The following MEOX2 variants were observed in gnomAD, a reference collection of about 807,000 sequenced individuals.
MEOX2 encodes homeobox protein MOX-2.
In MEOX2, 11 loss-of-function variants were observed where a neutral mutation model predicts 27.0. The ratio of observed to expected loss-of-function variants is 0.41; its 90% confidence interval spans 0.26 to 0.68. The LOEUF (loss-of-function observed/expected upper bound fraction) is 0.68, where lower values mean the gene tolerates loss of function less well. Among genes scored for constraint, MEOX2 ranks in the 30% least tolerant of loss-of-function variants. The probability of loss-of-function intolerance (pLI) is 0.33; values close to 1 mark genes in which losing one functional copy is unlikely to be tolerated. For synonymous variants in MEOX2, 189 were observed against 155.4 expected (o/e 1.22, Z -1.61); for missense variants, 436 against 385.4 (o/e 1.13, Z -1.10).
At chr7:15,634,535 G>C (rs766333735) in intron 1 of MEOX2, among the ~76,000 whole-genome samples, 1 of 151,984 alleles carries the variant, frequency 6.6e-6, no homozygotes, top group Non-Finnish European at 1.5e-5. Context: ...CCAGATATCT[G>C]TAGTTTAATT....
intron 2 of MEOX2, among the ~76,000 whole-genome samples, chr7:15,613,378 CAT>C (rs944985733): frequency 1.7e-5 from 2 of 115,292 alleles, no homozygotes; most frequent in African/African-American, 6.7e-5. Context: ...ATTTAAATAA[CAT>C]ATATGTATTA....
intron 1 of MEOX2, among the ~76,000 whole-genome samples, chr7:15,656,251 G>C (rs1042457644): frequency 2.6e-5 from 4 of 151,370 alleles, no homozygotes; most frequent in African/African-American, 9.7e-5. Context: ...ATTGTATTTA[G>C]AGTGAGTTTC....
At position 15,620,125 on chromosome 7, in the gene MEOX2, G is replaced by A. The variant is rs181371882; in HGVS notation, c.690+6621C>T. 2.4e-3 allele frequency among the ~76,000 whole-genome samples: 372 copies of A among 151,896 alleles called. 8 individuals are homozygous for A. The highest frequency in any genetic ancestry group is 0.021 in the Admixed American group (323 of 15,228). ...TTAAAATCCCCTCTCATATCCCATCGTCAACTCTTTTACCCTTTACTCTCC... is the reference window on the plus strand; with the variant it reads ...TTAAAATCCCCTCTCATATCCCATCATCAACTCTTTTACCCTTTACTCTCC... On this transcript the variant is annotated intron_variant, in intron 2 of 2. Transcript: ENST00000262041.
chr7:15,652,847 G>A (rs573119770), intron 1 of MEOX2, among the ~76,000 whole-genome samples: 1 of 152,058 alleles, frequency 6.6e-6, no homozygotes, highest in Admixed American at 6.6e-5. Flanking sequence ...TCCATGTTAT[G>A]GATGTACCAC....
rs939048144 is a variant in MEOX2, at chr7:15,614,452, T to G, written c.691-1841A>C. On this transcript the variant is annotated intron_variant, in intron 2 of 2. Coordinates refer to ENST00000262041, the MANE Select transcript of MEOX2 (RefSeq NM_005924.5). ...AAGTTTGCCTTTCAAACTGAGGTAC[T>G]TAATCAATGAAGTACTGATTTTAGT... Among the ~76,000 whole-genome samples the G allele has an allele frequency of 1.1e-4, 17 of 152,066 alleles. No individual in the cohort carries two copies. In the East Asian group the frequency reaches 1.7e-3, roughly 16 times the overall value.
At chr7:15,625,345 T>C (rs1781286828) in intron 2 of MEOX2, among the ~76,000 whole-genome samples, 1 of 152,150 alleles carries the variant, frequency 6.6e-6, no homozygotes, top group South Asian at 2.1e-4. Flanking sequence ...ATTTTGTATG[T>C]GAAGTCTAAG....
At chr7:15,626,418 AAGG>A (rs1360371100) in intron 2 of MEOX2, among the ~76,000 whole-genome samples, 1 of 152,098 alleles carries the variant, frequency 6.6e-6, no homozygotes, top group Non-Finnish European at 1.5e-5. Context: ...TATGCCAAAT[AAGG>A]AGATTTTAAC....
Position 15,666,737 on chromosome 7 carries a change from G to T in MEOX2, c.517+19149C>A, listed in dbSNP as rs1481847623. On this transcript the variant is annotated intron_variant, in intron 1 of 2. Coordinates refer to ENST00000262041, the MANE Select transcript of MEOX2 (RefSeq NM_005924.5). ...ACTGCACTCCAGCGTGGGCAACAGA[G>T]CAAGACTCTGTCTCAAAAAAAAAAA... Among the ~76,000 whole-genome samples the T allele has an allele frequency of 1.1e-3, 111 of 100,118 alleles. 6 individuals are homozygous for T. Among genetic ancestry groups the T allele is most frequent in the Non-Finnish European group, 2.4e-4 (13 of 54,770 alleles). 65.7% of individuals were successfully genotyped at this position (100,118 alleles called of 152,430 possible). A position where few individuals can be genotyped will look rare whatever the true frequency, so the allele number is the denominator to read the frequency against.
At chr7:15,664,464 C>T (rs780423556) in intron 1 of MEOX2, among the ~76,000 whole-genome samples, 4 of 152,136 alleles carry the variant, frequency 2.6e-5, no homozygotes, top group Non-Finnish European at 1.5e-5. Context: ...AATTTTCCAA[C>T]ATCAAATATG....
chr7:15,655,438 G>A (rs535287809), intron 1 of MEOX2, among the ~76,000 whole-genome samples: 1 of 150,728 alleles, frequency 6.6e-6, no homozygotes, highest in African/African-American at 2.4e-5. Flanking sequence ...AGTTTATTTT[G>A]CTCTTTTTGT....
In MEOX2 at chr7:15,626,738, A is replaced by G; in HGVS notation, c.690+8T>C. On this transcript the variant is annotated splice_region_variant and intron_variant, in intron 2 of 2. Coordinates refer to ENST00000262041, the MANE Select transcript of MEOX2 (RefSeq NM_005924.5). ...AAAAGATCATATAATGATAATGCCC[A>G]GCTTTACCTGTCTTTCAGTGAGATC... The G allele has an allele frequency of 6.3e-7, 1 of 1,599,200 alleles. No homozygotes were observed. The highest frequency in any genetic ancestry group is 1.1e-5 in the South Asian group (1 of 89,858).
At chr7:15,676,880 T>A (rs1179281947) in intron 1 of MEOX2, among the ~76,000 whole-genome samples, 1 of 151,346 alleles carries the variant, frequency 6.6e-6, no homozygotes, top group Non-Finnish European at 1.5e-5. Context: ...AGAGTCCTCA[T>A]TTTATTCTTT....
At chr7:15,632,971 C>G (rs888335269) in intron 1 of MEOX2, among the ~76,000 whole-genome samples, 1 of 151,826 alleles carries the variant, frequency 6.6e-6, no homozygotes, top group African/African-American at 2.4e-5. Flanking sequence ...GACTAAAGGC[C>G]CTAATTAAGA....
intron 2 of MEOX2, among the ~76,000 whole-genome samples, chr7:15,614,551 A>T (rs1165743280): frequency 6.6e-6 from 1 of 152,202 alleles, no homozygotes; most frequent in Non-Finnish European, 1.5e-5. Flanking sequence ...CCATTTATTA[A>T]ATAACCCAGC....
rs774463419 is a variant in MEOX2, at chr7:15,686,576, T to A, written c.-174A>T. The stretch of plus-strand genomic sequence containing the variant: ...CGGTCCTGAGCCCCAGCGGCCAGTC[T>A]CCTTTACATATGAACAGTCGGACCT... On this transcript the variant is annotated 5_prime_UTR_variant, in exon 1 of 3. Coordinates refer to ENST00000262041, the MANE Select transcript of MEOX2 (RefSeq NM_005924.5). The A allele has an allele frequency of 1.3e-5, 8 of 638,288 alleles. No homozygotes were observed. Among genetic ancestry groups the A allele is most frequent in the Non-Finnish European group, 2.2e-5 (8 of 371,154 alleles). The allele number at this position is 638,288 out of a possible 1,614,324, so 39.5% of individuals were successfully genotyped here. A position where few individuals can be genotyped will look rare whatever the true frequency, so the allele number is the denominator to read the frequency against.
At chr7:15,672,912 G>T (rs113628437) in intron 1 of MEOX2, among the ~76,000 whole-genome samples, 3 of 149,872 alleles carry the variant, frequency 2.0e-5, no homozygotes, top group African/African-American at 7.4e-5. Context: ...AAAAGAAAAA[G>T]AAAAAAGAAA....
At chr7:15,681,296 A>G (rs1782288370) in intron 1 of MEOX2, 1 of 151,766 alleles carries the variant, frequency 6.6e-6, no homozygotes, top group Non-Finnish European at 1.5e-5. Context: ...TTGAAATTAA[A>G]ATCTAAAAAA....
chr7:15,681,613 T>C (rs1583797718), intron 1 of MEOX2: 1 of 151,828 alleles, frequency 6.6e-6, no homozygotes, highest in African/African-American at 2.4e-5. Flanking sequence ...GATTTTATTA[T>C]AAATATTACA....
At chr7:15,657,066 A>T (rs1228877548) in intron 1 of MEOX2, among the ~76,000 whole-genome samples, 1 of 152,092 alleles carries the variant, frequency 6.6e-6, no homozygotes, top group African/African-American at 2.4e-5. Flanking sequence ...ATCATTGAAA[A>T]ATTGCTCTTC....
Sources: allele counts gnomAD v4.1 joint callset (sites outside exome capture counted in the v4.1 genomes callset), GRCh38; gene constraint gnomAD v4.1.1; transcripts MANE v1.5; gene names NCBI Gene and HGNC (gene_info 2026-07-23, HGNC 2026-07-21).